DYSF: variants seen among roughly 807,000 people sequenced by gnomAD.
DYSF encodes the protein dystrophy-associated fer-1-like 1.
Under a neutral mutation model 274.9 loss-of-function variants are expected in DYSF, and 212 were observed. The observed-to-expected ratio is 0.77, with a 90% CI of 0.69 to 0.86. DYSF has a LOEUF of 0.86. DYSF is among the 40% of genes least tolerant of loss of function. DYSF has a pLI of 0.00. For synonymous variants in DYSF, 1,091 were observed against 1,078.7 expected (o/e 1.01, Z -0.22); for missense variants, 2,666 against 2,783.2 (o/e 0.96, Z 0.95).
intron 22 of DYSF, 128 bp from the exon 23 acceptor site, chr2:71,561,624 C>G: frequency 9.4e-7 from 1 of 1,065,828 alleles, no homozygotes; most frequent in Non-Finnish European, 1.4e-6. Flanking sequence ...GTGGAGCGGG[C>G]TGGAGAAGGC....
chr2:71,676,809 T>G (rs2095230040), intron 52 of DYSF, among the ~76,000 whole-genome samples: 1 of 152,198 alleles, frequency 6.6e-6, no homozygotes, highest in Non-Finnish European at 1.5e-5. Flanking sequence ...TTGTGTCTTT[T>G]GAATATTTAT....
At chr2:71,507,696 A>G (rs2152723309) in intron 4 of DYSF, among the ~76,000 whole-genome samples, 2 of 152,340 alleles carry the variant, frequency 1.3e-5, no homozygotes, top group Middle Eastern at 3.4e-3. Context: ...CAGGGCCCTC[A>G]GTGTTCATCT....
At chr2:71,570,393 G>A in intron 28 of DYSF, 59 bp downstream of exon 28, 1 of 1,567,994 alleles carries the variant, frequency 6.4e-7, no homozygotes, top group Non-Finnish European at 8.8e-7. Context: ...AGCCATGCTG[G>A]TGGGGACGAC....
chr2:71,513,810 C>T lies in DYSF; in HGVS notation c.648C>T (p.Thr216=), dbSNP rs201607397. ...LDQSGGPGAP[T]TPRKLPSRPP... is the part of the protein sequence containing the mutation. The stretch of plus-strand genomic sequence containing the variant: ...AAAGCGGAGGCCCGGGGGCTCCCAC[C>T]ACCCCAAGGAAACTACCTTCACGTC... Residue 216 remains threonine, a synonymous_variant, in exon 7 of 56, where the codon ACC becomes ACT. Coordinates refer to ENST00000410020, the MANE Select transcript of DYSF (RefSeq NM_001130987.2). 6.2e-7 allele frequency: 1 copy of T among 1,614,208 alleles called. No individual in the cohort carries two copies. The highest frequency in any genetic ancestry group is 8.5e-7 in the Non-Finnish European group (1 of 1,180,028).
chr2:71,666,531 A>T (rs2095013952), intron 47 of DYSF, among the ~76,000 whole-genome samples: 1 of 152,246 alleles, frequency 6.6e-6, no homozygotes, highest in Non-Finnish European at 1.5e-5. Context: ...GTCCACCATC[A>T]GCTCCCAAAG....
chr2:71,634,622 A>G (rs1037894903), intron 41 of DYSF, among the ~76,000 whole-genome samples: 31 of 152,108 alleles, frequency 2.0e-4, no homozygotes, highest in Non-Finnish European at 4.0e-4. Flanking sequence ...AATCAACTTA[A>G]TCTCTCCTGT....
At chr2:71,591,866 G>C (rs1056975834) in intron 32 of DYSF, among the ~76,000 whole-genome samples, 3 of 152,240 alleles carry the variant, frequency 2.0e-5, no homozygotes, top group Non-Finnish European at 2.9e-5. Context: ...CCAGGTGCGG[G>C]GTGGATGAGG....
In DYSF at chr2:71,551,902, G is replaced by A. The variant is rs7582130; in HGVS notation, c.1806+182G>A. ...GTGGGAATAAATCAACACTTGCCCT[G>A]CTTCCCTGGAGGGATGATCAGAGGC... is the stretch of plus-strand genomic sequence containing the variant. On this transcript the variant is annotated intron_variant, in intron 19 of 55. Coordinates refer to ENST00000410020, the MANE Select transcript of DYSF (RefSeq NM_001130987.2). Among the ~76,000 whole-genome samples, 89,874 of 152,096 alleles carry A rather than the reference G, an allele frequency of 0.59. 27,469 individuals carry two copies. The highest frequency in any genetic ancestry group is 0.66 in the Non-Finnish European group (44,862 of 67,968).
intron 40 of DYSF, among the ~76,000 whole-genome samples, chr2:71,620,017 C>G (rs1235748187): frequency 3.3e-5 from 5 of 152,218 alleles, no homozygotes; most frequent in Non-Finnish European, 7.3e-5. Context: ...AAAGTCCCCA[C>G]TGATGTCAGG....
chr2:71,598,631 C>T lies in DYSF; in HGVS notation c.3642C>T (p.Asn1214=), dbSNP rs1434655722. 1.2e-5 allele frequency: 19 copies of T among 1,614,096 alleles called. No individual in the cohort carries two copies. The highest frequency in any genetic ancestry group is 2.7e-5 in the African/African-American group (2 of 74,942). The part of the protein sequence containing the change: ...QKTVVVKNTL[N]PTWDQTLIFY... ...CGGTGGTGGTGAAGAACACCCTTAA[C>T]CCCACCTGGGACCAGACGCTCATCT... The change falls in exon 33 of 56, where the codon AAC becomes AAT. Residue 1214 remains asparagine, a synonymous_variant. Coordinates refer to ENST00000410020, the MANE Select transcript of DYSF (RefSeq NM_001130987.2).
intron 24 of DYSF, among the ~76,000 whole-genome samples, chr2:71,565,651 G>T (rs1349320610): frequency 6.6e-6 from 1 of 152,212 alleles, no homozygotes; most frequent in Admixed American, 6.5e-5. Flanking sequence ...TTGTCCCCTG[G>T]GGGGTGTGGA....
At chr2:71,651,929 A>G (rs759717616) in intron 42 of DYSF, among the ~76,000 whole-genome samples, 7 of 152,236 alleles carry the variant, frequency 4.6e-5, no homozygotes, top group Non-Finnish European at 1.0e-4. Flanking sequence ...AGCATTCAAT[A>G]AAGTTTAATA....
At chr2:71,592,138 G>A (rs552694250) in intron 32 of DYSF, among the ~76,000 whole-genome samples, 1 of 152,236 alleles carries the variant, frequency 6.6e-6, no homozygotes, top group South Asian at 2.1e-4. Context: ...TTGTGAGAGG[G>A]GGATGGCCAG....
chr2:71,586,802 G>A (rs989648580), intron 30 of DYSF, among the ~76,000 whole-genome samples: 2 of 152,046 alleles, frequency 1.3e-5, no homozygotes, highest in African/African-American at 4.8e-5. Context: ...GAAGGATGGG[G>A]CCCTGGAGCC....
intron 44 of DYSF, among the ~76,000 whole-genome samples, chr2:71,660,251 G>A (rs568534191): frequency 4.2e-4 from 64 of 152,310 alleles, no homozygotes; most frequent in Non-Finnish European, 7.9e-4. Flanking sequence ...GCCTGGTCTC[G>A]TCATGTGTGT....
In DYSF at chr2:71,667,523, C is replaced by G; in HGVS notation, c.5457+8C>G. Reference sequence around the variant, plus strand: ...CAGCCAGACATCGAGCAGGTAGGACCTTGACCCTTGGGTCCCAGAGTCCTC... The same window carrying G: ...CAGCCAGACATCGAGCAGGTAGGACGTTGACCCTTGGGTCCCAGAGTCCTC... On this transcript the variant is annotated splice_region_variant and intron_variant, in intron 48 of 55. Coordinates refer to ENST00000410020, the MANE Select transcript of DYSF (RefSeq NM_001130987.2). 6.2e-7 allele frequency: 1 copy of G among 1,614,046 alleles called. No homozygotes were observed. The highest frequency in any genetic ancestry group is 8.5e-7 in the Non-Finnish European group (1 of 1,179,966).
At chr2:71,622,209 G>T (rs2094123972) in intron 41 of DYSF, among the ~76,000 whole-genome samples, 2 of 136,354 alleles carry the variant, frequency 1.5e-5, no homozygotes, top group South Asian at 2.3e-4. Context: ...GGCATTTTAT[G>T]GTCTTTGGTG....
At chr2:71,557,556 G>T (rs955359513) in intron 22 of DYSF, among the ~76,000 whole-genome samples, 3 of 152,056 alleles carry the variant, frequency 2.0e-5, no homozygotes, top group African/African-American at 4.8e-5. Context: ...AATGGCAGGT[G>T]CTGGGACCAG....
chr2:71,497,714 C>G lies in DYSF; in HGVS notation c.240-5500C>G, dbSNP rs114635810. ...GGCCCAATAATGAGATGAAGATGAA[C>G]TGGGAAAGAAGAGAGTTTATTTCTG... On this transcript the variant is annotated intron_variant, in intron 3 of 55. Coordinates refer to ENST00000410020, the MANE Select transcript of DYSF (RefSeq NM_001130987.2). 2.6e-4 allele frequency among the ~76,000 whole-genome samples: 40 copies of G among 152,266 alleles called. 1 individual carries two copies. In the Middle Eastern group the frequency reaches 0.01, roughly 39 times the overall value.
Sources: gnomAD v4.1 joint callset for allele counts (sites outside exome capture counted in the v4.1 genomes callset) on GRCh38, gnomAD v4.1.1 for gene constraint, MANE v1.5 for transcripts, NCBI Gene and HGNC (gene_info 2026-07-23, HGNC 2026-07-21) for gene names.